Variants in RPTOR observed in about 807,000 individuals in gnomAD.
RPTOR encodes regulatory-associated protein of mTOR.
In RPTOR, 21 loss-of-function variants were observed where a neutral mutation model predicts 169.9. The observed-to-expected ratio is 0.12, with a 90% CI of 0.09 to 0.18. The LOEUF is 0.18. Ranked by LOEUF, RPTOR falls within the 10% of genes least tolerant of loss-of-function variation. The probability of loss-of-function intolerance (pLI) is 1.00; values close to 1 mark genes in which losing one functional copy is unlikely to be tolerated. For synonymous variants in RPTOR, 732 were observed against 753.2 expected (o/e 0.97, Z 0.46); for missense variants, 1,133 against 1,855.9 (o/e 0.61, Z 7.16).
At chr17:80,566,366 C>T (rs997417723) in intron 1 of RPTOR, among the ~76,000 whole-genome samples, 4 of 152,094 alleles carry the variant, frequency 2.6e-5, no homozygotes, top group African/African-American at 7.2e-5. Context: ...TAAGTAAAAA[C>T]AATGCAAAAC....
At chr17:80,858,413 C>T (rs964106447) in intron 13 of RPTOR, among the ~76,000 whole-genome samples, 1 of 152,282 alleles carries the variant, frequency 6.6e-6, no homozygotes, top group South Asian at 2.1e-4. Flanking sequence ...CTGTCCAGCT[C>T]TGTCCTCTCT....
rs974652218 is a variant in RPTOR at position 80,544,916 on chromosome 17, C to T, written c.-714C>T. The T allele has an allele frequency of 3.5e-5, 8 of 228,760 alleles. No homozygotes were observed. Among genetic ancestry groups the T allele is most frequent in the Admixed American group, 2.3e-4 (4 of 17,592 alleles). The allele number at this position is 228,760 out of a possible 1,614,324, so 14.2% of individuals were successfully genotyped here. On this transcript the variant is annotated 5_prime_UTR_variant, in exon 1 of 34. Transcript: ENST00000306801. ...AGCTCCAAACCAGAGGGCAAAGCTC[C>T]CATGACCCAATAAGCCCACATTGTC...
chr17:80,865,713 G>A (rs1414167993), intron 13 of RPTOR, among the ~76,000 whole-genome samples: 1 of 152,022 alleles, frequency 6.6e-6, no homozygotes, highest in Non-Finnish European at 1.5e-5. Flanking sequence ...ACATTTGGAG[G>A]TTTCAGTGCT....
At chr17:80,932,860 C>T (rs143195001) in intron 24 of RPTOR, among the ~76,000 whole-genome samples, 660 of 152,246 alleles carry the variant, frequency 4.3e-3, no homozygotes, top group Non-Finnish European at 4.5e-3. Context: ...CATATCTAAG[C>T]CACCACAAAC....
intron 1 of RPTOR, among the ~76,000 whole-genome samples, chr17:80,601,757 T>G (rs113834312): frequency 4.4e-4 from 5 of 11,312 alleles, no homozygotes; most frequent in South Asian, 1.4e-3. Context: ...AGATTAGGGA[T>G]TGGTGATGAC....
intron 1 of RPTOR, among the ~76,000 whole-genome samples, chr17:80,556,269 G>T (rs1202210956): frequency 6.6e-6 from 1 of 152,232 alleles, no homozygotes. Context: ...GGGCTCCTGG[G>T]CAGCTCCCCA....
At chr17:80,866,856 A>C (rs2143786281) in intron 13 of RPTOR, among the ~76,000 whole-genome samples, 1 of 152,278 alleles carries the variant, frequency 6.6e-6, no homozygotes, top group Middle Eastern at 3.4e-3. Context: ...CTGGGATTAA[A>C]GCCTGAGTCA....
intron 25 of RPTOR, among the ~76,000 whole-genome samples, chr17:80,943,365 C>G (rs1250948591): frequency 6.6e-6 from 1 of 152,180 alleles, no homozygotes; most frequent in Non-Finnish European, 1.5e-5. Flanking sequence ...GTCACATGAC[C>G]ATGAAAAATT....
chr17:80,809,440 C>T (rs1222460194), intron 7 of RPTOR, among the ~76,000 whole-genome samples: 1 of 152,230 alleles, frequency 6.6e-6, no homozygotes, highest in Admixed American at 6.5e-5. Context: ...GATCCACCCA[C>T]CTCGGCCACC....
chr17:80,714,869 G>A (rs1410603763), intron 4 of RPTOR, among the ~76,000 whole-genome samples: 6 of 152,080 alleles, frequency 3.9e-5, no homozygotes, highest in East Asian at 1.9e-4. Flanking sequence ...GATTACAGGC[G>A]TCCACCACCG....
intron 6 of RPTOR, among the ~76,000 whole-genome samples, chr17:80,776,127 A>G (rs1024551231): frequency 1.3e-5 from 2 of 152,202 alleles, no homozygotes; most frequent in Non-Finnish European, 2.9e-5. Context: ...TGAGCCCAAC[A>G]GTTTAAAGTT....
chr17:80,696,447 G>A (rs1254049645), intron 3 of RPTOR, among the ~76,000 whole-genome samples: 1 of 152,184 alleles, frequency 6.6e-6, no homozygotes, highest in African/African-American at 2.4e-5. Context: ...CTCGGCTTTC[G>A]TTAGTTCAAA....
intron 1 of RPTOR, among the ~76,000 whole-genome samples, chr17:80,568,767 G>C (rs1468456653): frequency 6.6e-6 from 1 of 152,004 alleles, no homozygotes; most frequent in Non-Finnish European, 1.5e-5. Flanking sequence ...TTTTTCCTCT[G>C]TGATTCAGTT....
In RPTOR at chr17:80,957,018, A is replaced by G. The variant is rs2069259637; in HGVS notation, c.3371-606A>G. Among the ~76,000 whole-genome samples, 1 of 152,214 alleles carries G rather than the reference A, an allele frequency of 6.6e-6. No individual in the cohort carries two copies. Among genetic ancestry groups the G allele is most frequent in the Admixed American group, 6.5e-5 (1 of 15,276 alleles). ...GCATAGTCGAGTCAGGGGAAGACTC[A>G]GAGTTCCAGCTCAGAATTGTCGCCC... On this transcript the variant is annotated intron_variant, in intron 28 of 33. Coordinates refer to ENST00000306801, the MANE Select transcript of RPTOR (RefSeq NM_020761.3). The surrounding 1 kb of genome is among the most constrained non-coding windows in gnomAD (Gnocchi z 4.6).
At chr17:80,733,410 CAGA>C (rs2066408453) in intron 5 of RPTOR, among the ~76,000 whole-genome samples, 1 of 152,060 alleles carries the variant, frequency 6.6e-6, no homozygotes, top group Non-Finnish European at 1.5e-5. Context: ...TCAAATAATA[CAGA>C]AGGTTTATGA....
At chr17:80,546,933 G>T (rs1428198813) in intron 1 of RPTOR, among the ~76,000 whole-genome samples, 1 of 152,116 alleles carries the variant, frequency 6.6e-6, no homozygotes, top group African/African-American at 2.4e-5. Flanking sequence ...GCTGGGCTTG[G>T]TGGCAGGTGC....
intron 4 of RPTOR, among the ~76,000 whole-genome samples, chr17:80,713,582 A>G (rs1293410307): frequency 6.6e-6 from 1 of 152,254 alleles, no homozygotes; most frequent in African/African-American, 2.4e-5. Flanking sequence ...TATTTTAAAT[A>G]CAAAGACATA....
intron 1 of RPTOR, among the ~76,000 whole-genome samples, chr17:80,612,390 C>G (rs1432494004): frequency 3.3e-5 from 5 of 152,160 alleles, no homozygotes; most frequent in Admixed American, 2.6e-4. Flanking sequence ...CTAGACCTCC[C>G]AAAGTGCTAG....
At chr17:80,607,405 A>G (rs2065236956) in intron 1 of RPTOR, among the ~76,000 whole-genome samples, 1 of 152,182 alleles carries the variant, frequency 6.6e-6, no homozygotes, top group African/African-American at 2.4e-5. Flanking sequence ...TCGTTTTCAG[A>G]GTATCTTTTA....
Sources: gnomAD v4.1 joint callset for allele counts (sites outside exome capture counted in the v4.1 genomes callset) on GRCh38, gnomAD v4.1.1 for gene constraint, Gnocchi (gnomAD v3.1) non-coding constraint, MANE v1.5 for transcripts, NCBI Gene and HGNC (gene_info 2026-07-23, HGNC 2026-07-21) for gene names.